PPP1R12B: variants seen among roughly 807,000 people sequenced by gnomAD.
The protein encoded by PPP1R12B is myosin phosphatase target subunit 2.
In PPP1R12B, 76 loss-of-function variants were observed where a neutral mutation model predicts 126.1. That is an observed-to-expected ratio of 0.60 (90% CI 0.50 to 0.73). The LOEUF is 0.73. PPP1R12B is among the 30% of genes least tolerant of loss of function. The pLI is 0.00. For missense variants in PPP1R12B, 1,052 were observed against 1,205.1 expected (o/e 0.87, Z 1.88); for synonymous variants, 356 against 434.7 (o/e 0.82, Z 2.25).
At chr1:202,462,973 G>C in intron 13 of PPP1R12B, 1 of 985,284 alleles carries the variant, frequency 1.0e-6, no homozygotes, top group Non-Finnish European at 1.2e-6. Context: ...AGTTGATCTG[G>C]GTGTTCTGGG....
chr1:202,576,731 T>G (rs1005094700), intron 23 of PPP1R12B: 1 of 152,094 alleles, frequency 6.6e-6, no homozygotes, highest in African/African-American at 2.4e-5. Context: ...TTTCAGTAGT[T>G]AATAACCTTA....
chr1:202,505,359 A>G (rs987748614), intron 18 of PPP1R12B, among the ~76,000 whole-genome samples: 2 of 152,012 alleles, frequency 1.3e-5, no homozygotes, highest in African/African-American at 2.4e-5. Flanking sequence ...GATCTTTACT[A>G]TTTTTTCCCA....
At chr1:202,533,723 C>G (rs1404696143) in intron 18 of PPP1R12B, among the ~76,000 whole-genome samples, 1 of 152,186 alleles carries the variant, frequency 6.6e-6, no homozygotes, top group African/African-American at 2.4e-5. Context: ...TTTTTGGCCA[C>G]AGTGTCATAG....
At position 202,493,359 on chromosome 1, in the gene PPP1R12B, G is replaced by T. The variant is rs755364766; in HGVS notation, c.2145+42G>T. ...TGGCATGTACTGTGCTAAAAGCAGG[G>T]TAATTAGTTTGGGGAGTATCTTCTT... On this transcript the variant is annotated intron_variant, in intron 15 of 23. Coordinates refer to ENST00000608999, the MANE Select transcript of PPP1R12B (RefSeq NM_002481.4). The T allele has an allele frequency of 1.9e-6, 3 of 1,574,748 alleles. No individual in the cohort carries two copies. The South Asian group carries it at 3.4e-5, about 18-fold the overall frequency.
chr1:202,588,978 A>G lies in PPP1R12B; in HGVS notation c.*8418A>G, dbSNP rs188292160. On this transcript the variant is annotated 3_prime_UTR_variant, in exon 24 of 24. Coordinates refer to ENST00000608999, the MANE Select transcript of PPP1R12B (RefSeq NM_002481.4). ...TGAGGCCATCCAGGTGAACACTAGC[A>G]CACTCTAGTACATGGGAAAGTTGAG... 1.8e-3 allele frequency: 267 copies of G among 152,274 alleles called. 1 individual carries two copies. Among genetic ancestry groups the G allele is most frequent in the African/African-American group, 6.1e-3 (252 of 41,544 alleles). The allele number at this position is 152,274 out of a possible 1,614,324, so 9.4% of individuals were successfully genotyped here. A position where few individuals can be genotyped will look rare whatever the true frequency, so the allele number is the denominator to read the frequency against.
chr1:202,534,733 C>G (rs1684357137), intron 18 of PPP1R12B, among the ~76,000 whole-genome samples: 1 of 152,088 alleles, frequency 6.6e-6, no homozygotes, highest in African/African-American at 2.4e-5. Flanking sequence ...CTCTTATTGC[C>G]AGGGCTCTTT....
chr1:202,547,308 A>T lies in PPP1R12B; in HGVS notation c.2491-11569A>T, dbSNP rs779647932. On this transcript the variant is annotated intron_variant, in intron 18 of 23. Transcript: ENST00000608999. The stretch of plus-strand genomic sequence containing the variant: ...CAAAGTTGCCTTTCATCAGCTTTTT[A>T]TTTCTTTTAAGCCTCTTTTTTATTC... Among the ~76,000 whole-genome samples the T allele has an allele frequency of 6.1e-4, 93 of 152,228 alleles. 1 individual carries two copies. The highest frequency in any genetic ancestry group is 1.7e-3 in the Admixed American group (26 of 15,268).
chr1:202,470,230 C>G (rs1409937099), intron 13 of PPP1R12B, among the ~76,000 whole-genome samples: 2 of 152,236 alleles, frequency 1.3e-5, no homozygotes, highest in Non-Finnish European at 2.9e-5. Context: ...TCTATTCTCT[C>G]TCTGCCCCCT....
intron 18 of PPP1R12B, among the ~76,000 whole-genome samples, chr1:202,499,364 A>C (rs543026609): frequency 4.3e-4 from 66 of 152,106 alleles, no homozygotes; most frequent in African/African-American, 1.6e-3. Flanking sequence ...AAGTGATCCT[A>C]CTACCTCAGT....
At chr1:202,464,422 G>A (rs1262781333) in intron 13 of PPP1R12B, among the ~76,000 whole-genome samples, 8 of 152,172 alleles carry the variant, frequency 5.3e-5, no homozygotes, top group Admixed American at 1.3e-4. Flanking sequence ...AGCAAAGACC[G>A]TTTTGTGTTT....
At chr1:202,489,702 A>C (rs983265748) in intron 14 of PPP1R12B, among the ~76,000 whole-genome samples, 1 of 152,330 alleles carries the variant, frequency 6.6e-6, no homozygotes, top group East Asian at 1.9e-4. Context: ...GCTGGGGGGA[A>C]GGCAGAATGG....
intron 1 of PPP1R12B, among the ~76,000 whole-genome samples, chr1:202,414,712 T>C (rs192312061): frequency 4.6e-5 from 7 of 152,282 alleles, no homozygotes; most frequent in African/African-American, 1.7e-4. Context: ...ATAAAAGTGG[T>C]GTTATTTTGA....
chr1:202,533,289 ATTTTGTTTTG>A (rs58502239), intron 18 of PPP1R12B, among the ~76,000 whole-genome samples: 2,089 of 148,886 alleles, frequency 0.014, 33 homozygotes, highest in African/African-American at 0.043. Flanking sequence ...TTTTGGGGGT[ATTTTGTTTTG>A]TTTTGTTTTG....
intron 1 of PPP1R12B, among the ~76,000 whole-genome samples, chr1:202,391,491 T>C (rs762090052): frequency 1.3e-4 from 20 of 152,080 alleles, no homozygotes; most frequent in Non-Finnish European, 2.9e-4. Context: ...CAATTAAGCA[T>C]AGAGTTACCA....
In PPP1R12B at chr1:202,373,888, T is replaced by A. The variant is rs537485804; in HGVS notation, c.291+24746T>A. On this transcript the variant is annotated intron_variant, in intron 1 of 23. Transcript: ENST00000608999. ...AGCAGAGGTTTGAGTTACCACCACC[T>A]TGGTCAAGAAATAAAATATTATTTC... Among the ~76,000 whole-genome samples the A allele has an allele frequency of 1.1e-4, 16 of 152,024 alleles. No homozygotes were observed. The South Asian group carries it at 3.3e-3, about 31-fold the overall frequency.
intron 1 of PPP1R12B, among the ~76,000 whole-genome samples, chr1:202,358,278 A>C (rs1657480403): frequency 6.6e-6 from 1 of 152,164 alleles, no homozygotes; most frequent in Non-Finnish European, 1.5e-5. Context: ...CATTTAAAAA[A>C]ATTGTTTCTT....
At chr1:202,417,832 T>A (rs1477401695) in intron 2 of PPP1R12B, among the ~76,000 whole-genome samples, 1 of 152,228 alleles carries the variant, frequency 6.6e-6, no homozygotes, top group Non-Finnish European at 1.5e-5. Context: ...TGTTGGCAGC[T>A]GTGTAGAGGC....
intron 18 of PPP1R12B, among the ~76,000 whole-genome samples, chr1:202,553,730 G>T (rs1686578553): frequency 6.6e-6 from 1 of 152,066 alleles, no homozygotes; most frequent in Non-Finnish European, 1.5e-5. Context: ...TGTGTTCTAG[G>T]ACTTCCCCTT....
intron 13 of PPP1R12B, among the ~76,000 whole-genome samples, chr1:202,459,173 T>G (rs1456829881): frequency 6.6e-6 from 1 of 152,202 alleles, no homozygotes; most frequent in African/African-American, 2.4e-5. Flanking sequence ...AAAGAATACA[T>G]TATGATGCCA....
Sources: allele counts gnomAD v4.1 joint callset (sites outside exome capture counted in the v4.1 genomes callset), GRCh38; gene constraint gnomAD v4.1.1; transcripts MANE v1.5; gene names NCBI Gene and HGNC (gene_info 2026-07-23, HGNC 2026-07-21).